The following FSD1 variants were observed in gnomAD, a reference collection of about 807,000 sequenced individuals.
The protein encoded by FSD1 is fibronectin type III and SPRY domain containing 1.
Under a neutral mutation model 58.2 loss-of-function variants are expected in FSD1, and 23 were observed. That is an observed-to-expected ratio of 0.40 (90% CI 0.28 to 0.56). FSD1 has a LOEUF of 0.56. Ranked by LOEUF, FSD1 falls within the 20% of genes least tolerant of loss-of-function variation. The pLI is 0.54. For missense variants in FSD1, 563 were observed against 670.8 expected, an observed-to-expected ratio of 0.84 and a Z score of 1.78; for synonymous variants, 265 against 263.4, an observed-to-expected ratio of 1.01 and a Z score of -0.06.
At chr19:4,305,840 G>C (rs935727726) in intron 1 of FSD1, 106 bp from the exon 2 acceptor site, 7 of 795,786 alleles carry the variant, frequency 8.8e-6, no homozygotes, top group Non-Finnish European at 2.2e-6. Context: ...ATTTATGTAC[G>C]TGTGTGCATG....
Position 4,322,442 on chromosome 19 carries a change from A to G in FSD1, c.1040-544A>G, listed in dbSNP as rs528908661. Among the ~76,000 whole-genome samples, 5 of 146,316 alleles carry G rather than the reference A, an allele frequency of 3.4e-5. No homozygotes were observed. In the East Asian group the frequency reaches 1.0e-3, roughly 31 times the overall value. ...CAGGAACCAAGGAGTATCTGGAGGGAATAGCAGGAACCGAGGAGTATCTGG... is the reference window on the plus strand; with the variant it reads ...CAGGAACCAAGGAGTATCTGGAGGGGATAGCAGGAACCGAGGAGTATCTGG... On this transcript the variant is annotated intron_variant, in intron 10 of 12. Coordinates refer to ENST00000221856, the MANE Select transcript of FSD1 (RefSeq NM_024333.3).
chr19:4,305,974 T>C lies in FSD1; in HGVS notation c.44T>C (p.Leu15Pro). ...GCCCTGAGGAAGATCATCAAAACACTGGCTGTGAAGAATGAAGAAATTCAG... is the reference window on the plus strand; with the variant it reads ...GCCCTGAGGAAGATCATCAAAACACCGGCTGTGAAGAATGAAGAAATTCAG... ...REALRKIIKT[L>P]AVKNEEIQSF... The change falls in exon 2 of 13, where the codon CTG (leucine) becomes CCG (proline). Residue 15 changes from leucine (L) to proline (P), a missense_variant. Coordinates refer to ENST00000221856, the MANE Select transcript of FSD1 (RefSeq NM_024333.3). The C allele has an allele frequency of 1.9e-6, 3 of 1,614,150 alleles. No homozygotes were observed. The highest frequency in any genetic ancestry group is 2.5e-6 in the Non-Finnish European group (3 of 1,180,000).
rs1352226823 is a variant in FSD1 at position 4,323,054 on chromosome 19, G to A, written c.1108G>A (p.Gly370Ser). Residue 370 changes from glycine to serine, a missense_variant, in exon 11 of 13, where the codon GGC becomes AGC. Gly to Ser is a moderately conservative substitution (Grantham distance 56). Transcript: ENST00000221856. This position sits in a 1 kb window ranked among gnomAD's most constrained non-coding sequence, Gnocchi z 7.7. ...CTACGAGCCGGACAGCAAGGCGTTC[G>A]GCGTGGGCGTGGCCTACCGCAGCCT... Reference protein sequence around the residue: ...VRYEPDSKAFGVGVAYRSLGR... With the variant: ...VRYEPDSKAFSVGVAYRSLGR... 8 of 1,611,620 alleles carry A rather than the reference G, an allele frequency of 5.0e-6. No individual in the cohort carries two copies. Among genetic ancestry groups the A allele is most frequent in the Admixed American group, 1.7e-5 (1 of 59,922 alleles).
At chr19:4,308,111 T>C in intron 4 of FSD1, 128 bp downstream of exon 4, 1 of 683,102 alleles carries the variant, frequency 1.5e-6, no homozygotes, top group African/African-American at 1.8e-5. Context: ...TACATACTGA[T>C]ACCAAGAAAG....
At chr19:4,314,563 C>T (rs1239682590) in intron 7 of FSD1, among the ~76,000 whole-genome samples, 6 of 151,294 alleles carry the variant, frequency 4.0e-5, no homozygotes, top group East Asian at 3.9e-4. Context: ...CTCGGCTCAC[C>T]GCAACCTCCG....
Position 4,323,774 on chromosome 19 carries a change from G to T in FSD1, c.*131G>T. 1.5e-6 allele frequency: 1 copy of T among 671,524 alleles called. No individual in the cohort carries two copies. The highest frequency in any genetic ancestry group is 2.5e-6 in the Non-Finnish European group (1 of 396,626). 41.6% of individuals were successfully genotyped at this position (671,524 alleles called of 1,614,324 possible). A position where few individuals can be genotyped will look rare whatever the true frequency, so the allele number is the denominator to read the frequency against. On this transcript the variant is annotated 3_prime_UTR_variant, in exon 13 of 13. Transcript: ENST00000221856. The surrounding 1 kb of genome is among the most constrained non-coding windows in gnomAD (Gnocchi z 7.7). ...ACTCCAGATGGGGGGGTCACCAAGAGGGAGTGGGCACCCTGGCGGGCCCTC... is the reference window on the plus strand; with the variant it reads ...ACTCCAGATGGGGGGGTCACCAAGATGGAGTGGGCACCCTGGCGGGCCCTC...
chr19:4,311,579 G>T (rs1971691761), intron 6 of FSD1: 1 of 422,582 alleles, frequency 2.4e-6, no homozygotes, highest in Non-Finnish European at 4.4e-6. Context: ...AGCTACTCAG[G>T]AGGCTGAGGC....
intron 3 of FSD1, 51 bp downstream of exon 3, chr19:4,306,380 A>T: frequency 6.2e-7 from 1 of 1,602,290 alleles, no homozygotes; most frequent in Non-Finnish European, 8.5e-7. Context: ...ACTCAACAGA[A>T]CGTAGCTGAC....
At chr19:4,318,997 G>A (rs367670056) in intron 10 of FSD1, 46 bp downstream of exon 10, 1 of 1,466,110 alleles carries the variant, frequency 6.8e-7, no homozygotes, top group Non-Finnish European at 9.6e-7. Context: ...TTGGGCAGGG[G>A]CCTAATGGTG....
At chr19:4,310,400 T>G in intron 5 of FSD1, 75 bp from the exon 6 acceptor site, 7 of 1,605,028 alleles carry the variant, frequency 4.4e-6, no homozygotes, top group Non-Finnish European at 6.0e-6. Context: ...ACGGGAGCCC[T>G]GGGGAGGGGC....
At position 4,318,572 on chromosome 19, in the gene FSD1, C is replaced by T. The variant is rs1022107910; in HGVS notation, c.959+67C>T. ...ATCAGTCTGGACATGGACACAGAGC[C>T]CAGTGTGGTCAGAGTTGGGGTGGAG... is the stretch of plus-strand genomic sequence containing the variant. On this transcript the variant is annotated intron_variant, in intron 9 of 12. Transcript: ENST00000221856. The T allele has an allele frequency of 2.1e-6, 3 of 1,410,272 alleles. No individual in the cohort carries two copies. In the East Asian group the frequency reaches 7.5e-5, roughly 35 times the overall value. 87.4% of individuals were successfully genotyped at this position (1,410,272 alleles called of 1,614,324 possible). A position where few individuals can be genotyped will look rare whatever the true frequency, so the allele number is the denominator to read the frequency against.
chr19:4,313,817 G>A (rs955293347), intron 7 of FSD1, among the ~76,000 whole-genome samples: 3 of 151,784 alleles, frequency 2.0e-5, no homozygotes, highest in Non-Finnish European at 2.9e-5. Context: ...CTTGAGGTCA[G>A]GAGTTCAAGA....
chr19:4,323,372 G>T lies in FSD1; in HGVS notation c.1316G>T (p.Arg439Leu). Residue 439 changes from arginine to leucine, a missense_variant, in exon 12 of 13, where the codon CGC (arginine) becomes CTC (leucine). Arg to Leu is a moderately radical substitution (Grantham distance 102). Coordinates refer to ENST00000221856, the MANE Select transcript of FSD1 (RefSeq NM_024333.3). This position sits in a 1 kb window ranked among gnomAD's most constrained non-coding sequence, Gnocchi z 7.7. ...GGCCTCCTGTCCTTCTACAATGCCC[G>T]CACCAAACAAGTGCTGCACACTTTC... ...HQGLLSFYNA[R>L]TKQVLHTFKT... 3 of 1,613,440 alleles carry T rather than the reference G, an allele frequency of 1.9e-6. No individual in the cohort carries two copies. The highest frequency in any genetic ancestry group is 2.5e-6 in the Non-Finnish European group (3 of 1,179,782).
At chr19:4,311,661 G>A (rs1260356735) in intron 6 of FSD1, 181 bp from the exon 7 acceptor site, 8 of 582,124 alleles carry the variant, frequency 1.4e-5, no homozygotes, top group Non-Finnish European at 2.5e-5. Flanking sequence ...TCCAGCCTGG[G>A]TGACAAGAGC....
At chr19:4,307,714 C>T (rs988776856) in intron 3 of FSD1, among the ~76,000 whole-genome samples, 168 bp from the exon 4 acceptor site, 1 of 152,192 alleles carries the variant, frequency 6.6e-6, no homozygotes, top group Non-Finnish European at 1.5e-5. Context: ...CTGTTCTGCT[C>T]CCCGAGCCCA....
At chr19:4,312,076 G>T in intron 7 of FSD1, 25 bp downstream of exon 7, 1 of 1,569,462 alleles carries the variant, frequency 6.4e-7, no homozygotes, top group South Asian at 1.1e-5. Context: ...TGCCAGCTCC[G>T]CCCAGCTGTG....
At position 4,307,879 on chromosome 19, in the gene FSD1, C is replaced by T. The variant is rs1296429693; in HGVS notation, c.244-3C>T. The T allele has an allele frequency of 1.2e-6, 2 of 1,612,080 alleles. No individual in the cohort carries two copies. The highest frequency in any genetic ancestry group is 2.2e-5 in the South Asian group (2 of 90,718). ...CCCCTCCTTTGGTGCCTGGTATCCA[C>T]AGAACCAGCTGGCTGCCTGCACGCG... On this transcript the variant is annotated splice_polypyrimidine_tract_variant and splice_region_variant and intron_variant, in intron 3 of 12. Transcript: ENST00000221856.
intron 9 of FSD1, 36 bp from the exon 10 acceptor site, chr19:4,318,836 A>G: frequency 6.5e-7 from 1 of 1,542,796 alleles, no homozygotes; most frequent in Non-Finnish European, 9.0e-7. Context: ...TGTTGAACTG[A>G]GCCTCCTGAG....
Position 4,323,146 on chromosome 19 carries a change from G to C in FSD1, c.1200G>C (p.Gln400His). 1 of 1,605,562 alleles carries C rather than the reference G, an allele frequency of 6.2e-7. No individual in the cohort carries two copies. Among genetic ancestry groups the C allele is most frequent in the Non-Finnish European group, 8.5e-7 (1 of 1,179,780 alleles). ...SWCLHVNNWL[Q>H]VSFTAKHANK... ...GCCTGCACGTCAACAATTGGCTGCAGGTCAGCTTCACGGCCAAGCACGCCA... is the reference window on the plus strand; with the variant it reads ...GCCTGCACGTCAACAATTGGCTGCACGTCAGCTTCACGGCCAAGCACGCCA... The change falls in exon 11 of 13, where the codon CAG becomes CAC. Residue 400 changes from glutamine to histidine, a missense_variant. Gln to His is a conservative substitution (Grantham distance 24). Transcript: ENST00000221856. The surrounding 1 kb of genome is among the most constrained non-coding windows in gnomAD (Gnocchi z 7.7).
Sources: gnomAD v4.1 joint callset for allele counts (sites outside exome capture counted in the v4.1 genomes callset) on GRCh38, gnomAD v4.1.1 for gene constraint, Gnocchi (gnomAD v3.1) non-coding constraint, MANE v1.5 for transcripts, NCBI Gene and HGNC (gene_info 2026-07-23, HGNC 2026-07-21) for gene names.